Variants in LRP2 observed in about 807,000 individuals in gnomAD.
LRP2 encodes the protein low-density lipoprotein receptor-related protein 2.
Under a neutral mutation model 531.0 loss-of-function variants are expected in LRP2, and 172 were observed. The observed-to-expected ratio is 0.32, with a 90% CI of 0.29 to 0.37. The LOEUF (loss-of-function observed/expected upper bound fraction) is 0.37. LRP2 is among the 10% of genes least tolerant of loss of function. LRP2 has a pLI of 1.00. For missense variants in LRP2, 5,167 were observed against 5,868.3 expected (o/e 0.88, Z 3.90); for synonymous variants, 1,992 against 2,027.6 (o/e 0.98, Z 0.47).
chr2:169,302,037 G>C (rs1332101370), intron 4 of LRP2, among the ~76,000 whole-genome samples: 1 of 151,980 alleles, frequency 6.6e-6, no homozygotes, highest in African/African-American at 2.4e-5. Context: ...TTCTATTTCT[G>C]AGAAATAGAA....
At position 169,225,465 on chromosome 2, in the gene LRP2, G is replaced by T. The variant is rs141206999; in HGVS notation, c.5395-12C>A. On this transcript the variant is annotated splice_polypyrimidine_tract_variant and intron_variant, in intron 32 of 78. Transcript: ENST00000649046. ...CTGTGAATTTCACCCTGGAAAGAAAGACAAGGGGAGGTGAGCAGTTCCAAG... is the reference window on the plus strand; with the variant it reads ...CTGTGAATTTCACCCTGGAAAGAAATACAAGGGGAGGTGAGCAGTTCCAAG... The T allele has an allele frequency of 6.2e-7, 1 of 1,613,700 alleles. No homozygotes were observed. The highest frequency in any genetic ancestry group is 2.2e-5 in the East Asian group (1 of 44,882).
intron 3 of LRP2, among the ~76,000 whole-genome samples, chr2:169,317,423 TCAGGA>T (rs1684792389): frequency 6.6e-6 from 1 of 152,212 alleles, no homozygotes; most frequent in Non-Finnish European, 1.5e-5. Context: ...TGTCAGGCCT[TCAGGA>T]TGCAAATTTT....
chr2:169,193,491 G>GT lies in LRP2; in HGVS notation c.8830+269dup, dbSNP rs1340822882. On this transcript the variant is annotated intron_variant, in intron 47 of 78. Coordinates refer to ENST00000649046, the MANE Select transcript of LRP2 (RefSeq NM_004525.3). ...AAAGGAGACAACCAAGTATTTGTGGGTTTTTTTTTTCCCCTAGAAATGTAG... is the reference window on the plus strand; with the variant it reads ...AAAGGAGACAACCAAGTATTTGTGGGTTTTTTTTTTTCCCCTAGAAATGTAG... Among the ~76,000 whole-genome samples, 1,491 of 147,752 alleles carry GT rather than the reference G, an allele frequency of 0.01. 8 individuals are homozygous for GT. The highest frequency in any genetic ancestry group is 0.024 in the Middle Eastern group (7 of 286).
intron 1 of LRP2, among the ~76,000 whole-genome samples, chr2:169,355,391 C>A (rs907042314): frequency 5.9e-5 from 9 of 152,160 alleles, no homozygotes; most frequent in Non-Finnish European, 1.2e-4. Flanking sequence ...TACTGAACAC[C>A]TGTTATTTTT....
chr2:169,265,032 C>T (rs1436145358), intron 16 of LRP2, among the ~76,000 whole-genome samples: 5 of 151,950 alleles, frequency 3.3e-5, no homozygotes, highest in Non-Finnish European at 4.4e-5. Flanking sequence ...CCACCATCTC[C>T]CCACATCTTC....
intron 3 of LRP2, among the ~76,000 whole-genome samples, chr2:169,318,177 G>A (rs1175932235): frequency 2.6e-5 from 4 of 151,984 alleles, no homozygotes; most frequent in African/African-American, 4.8e-5. Context: ...GAATTTAAAG[G>A]TTTTTTCCAG....
In LRP2 at chr2:169,156,301, G is replaced by A. The variant is rs752766559; in HGVS notation, c.12124C>T (p.Arg4042Cys). The change falls in exon 65 of 79, where the codon CGC (arginine) becomes TGC (cysteine). Residue 4042 changes from arginine to cysteine, a missense_variant. By Grantham distance (180) the Arg-to-Cys change is radical. Around this residue, in one of 6 missense-constraint regions of LRP2, gnomAD observed 564 missense variants for 747.7 expected, o/e 0.75. Coordinates refer to ENST00000649046, the MANE Select transcript of LRP2 (RefSeq NM_004525.3). ...TCAGCTGCACATCGTTTTCCAGGGC[G>A]GTCACTCATAGACGTGAAGCCATCA... is the stretch of plus-strand genomic sequence containing the variant. Reference protein sequence around the residue: ...CADGFTSMSDRPGKRCAAEGS... With the variant: ...CADGFTSMSDCPGKRCAAEGS... 3.1e-5 allele frequency: 50 copies of A among 1,613,488 alleles called. No homozygotes were observed. The highest frequency in any genetic ancestry group is 3.6e-5 in the Non-Finnish European group (42 of 1,179,702).
chr2:169,177,998 G>A lies in LRP2; in HGVS notation c.10198C>T (p.His3400Tyr). The A allele has an allele frequency of 2.5e-6, 4 of 1,613,914 alleles. No homozygotes were observed. The highest frequency in any genetic ancestry group is 3.4e-6 in the Non-Finnish European group (4 of 1,179,986). ...GGCAGTGCCCCATCATACACCGTGT[G>A]TCGATGGTGGCCCTCCAAATCAGAG... ...EYSDLEGHHR[H>Y]TVYDGALPHP... Residue 3400 changes from histidine (H) to tyrosine (Y), a missense_variant, in exon 53 of 79, where the codon CAC becomes TAC. This residue lies in a region of LRP2 where 1,129 missense variants were observed against 1,362.7 expected (regional missense o/e 0.83). Transcript: ENST00000649046.
intron 1 of LRP2, among the ~76,000 whole-genome samples, chr2:169,357,733 C>T (rs1352426808): frequency 6.6e-6 from 1 of 152,176 alleles, no homozygotes; most frequent in South Asian, 2.1e-4. Context: ...ACAGGAAATA[C>T]ATCTAGGTTC....
At chr2:169,310,395 G>C (rs1270937410) in intron 3 of LRP2, among the ~76,000 whole-genome samples, 1 of 152,150 alleles carries the variant, frequency 6.6e-6, no homozygotes, top group African/African-American at 2.4e-5. Context: ...AATTTATTGA[G>C]AGTTTTTAGC....
At chr2:169,208,276 G>A (rs570342213) in intron 38 of LRP2, among the ~76,000 whole-genome samples, 3 of 152,160 alleles carry the variant, frequency 2.0e-5, no homozygotes, top group Non-Finnish European at 2.9e-5. Context: ...TTTGACGCAC[G>A]GGCCATAGTT....
chr2:169,173,856 C>G (rs559945775), intron 56 of LRP2, 63 bp downstream of exon 56: 25 of 1,607,248 alleles, frequency 1.6e-5, no homozygotes, highest in Non-Finnish European at 2.1e-5. Flanking sequence ...CTCTCAGTCC[C>G]CATGGAAGTT....
Position 169,235,876 on chromosome 2 carries a change from A to G in LRP2, c.4884T>C (p.Asn1628=). 6.2e-7 allele frequency: 1 copy of G among 1,614,212 alleles called. No individual in the cohort carries two copies. Among genetic ancestry groups the G allele is most frequent in the Non-Finnish European group, 8.5e-7 (1 of 1,180,030 alleles). Residue 1628 remains asparagine, a synonymous_variant, in exon 29 of 79, where the codon AAT becomes AAC. Coordinates refer to ENST00000649046, the MANE Select transcript of LRP2 (RefSeq NM_004525.3). ...YLDYMDFCDY[N]GHHRRQVIAS... ...CTATCACCTGTCTCCGATGGTGTCC[A>G]TTATAATCACAAAAGTCCATGTAAT...
Position 169,175,277 on chromosome 2 carries a change from C to T in LRP2, c.10684G>A (p.Asp3562Asn). The T allele has an allele frequency of 6.2e-7, 1 of 1,614,184 alleles. No homozygotes were observed. The highest frequency in any genetic ancestry group is 1.3e-5 in the African/African-American group (1 of 75,040). The change falls in exon 55 of 79, where the codon GAC becomes AAC. Residue 3562 changes from aspartate to asparagine, a missense_variant. Around this residue, in one of 6 missense-constraint regions of LRP2, gnomAD observed 311 missense variants for 309.4 expected, o/e 1.01. Transcript: ENST00000649046. ...GTCTGCGGGCTGGTGCAGTTGCCGT[C>T]ACTGCACTGGAACTGTCCCAGTCGG... is the stretch of plus-strand genomic sequence containing the variant. ...FCRLGQFQCS[D>N]GNCTSPQTLC...
intron 46 of LRP2, among the ~76,000 whole-genome samples, chr2:169,194,535 C>T (rs1223068648): frequency 6.6e-6 from 1 of 152,128 alleles, no homozygotes; most frequent in African/African-American, 2.4e-5. Flanking sequence ...AACCCTAACC[C>T]CACATGTTCC....
chr2:169,196,075 G>A (rs1315932740), intron 46 of LRP2, among the ~76,000 whole-genome samples: 1 of 152,138 alleles, frequency 6.6e-6, no homozygotes, highest in Non-Finnish European at 1.5e-5. Flanking sequence ...TCATTAAAAG[G>A]CAGTATGAAG....
chr2:169,268,220 C>G (rs888547666), intron 16 of LRP2, among the ~76,000 whole-genome samples: 4 of 151,996 alleles, frequency 2.6e-5, no homozygotes, highest in African/African-American at 9.7e-5. Context: ...CTATTCCAAT[C>G]AAAGCAAAAA....
At position 169,150,794 on chromosome 2, in the gene LRP2, G is replaced by T. The variant is rs960739074; in HGVS notation, c.12590+104C>A. ...AGACGCTACTCCCAAAAACTTGAAGGACAATTTCAGTTAAACTAGGAAAAA... is the reference window on the plus strand; with the variant it reads ...AGACGCTACTCCCAAAAACTTGAAGTACAATTTCAGTTAAACTAGGAAAAA... On this transcript the variant is annotated intron_variant, in intron 68 of 78. Transcript: ENST00000649046. The T allele has an allele frequency of 8.4e-6, 12 of 1,432,878 alleles. No homozygotes were observed. In the Admixed American group the frequency reaches 1.3e-4, roughly 15 times the overall value. 88.8% of individuals were successfully genotyped at this position (1,432,878 alleles called of 1,614,324 possible).
chr2:169,268,067 A>T (rs1161536999), intron 16 of LRP2, among the ~76,000 whole-genome samples: 1 of 152,216 alleles, frequency 6.6e-6, no homozygotes, highest in East Asian at 1.9e-4. Flanking sequence ...AAGAAGCTGA[A>T]TCCCTGAATA....
Sources: gnomAD v4.1 joint callset for allele counts (sites outside exome capture counted in the v4.1 genomes callset) on GRCh38, gnomAD v4.1.1 for gene constraint, gnomAD v4.1.1 regional missense constraint, MANE v1.5 for transcripts, NCBI Gene and HGNC (gene_info 2026-07-23, HGNC 2026-07-21) for gene names.